Variants in EPHA6 observed in about 807,000 individuals in gnomAD.
The protein encoded by EPHA6 is EPH receptor A6.
EPHA6 carries 50 observed loss-of-function variants against 112.0 expected under a neutral mutation model. That is an observed-to-expected ratio of 0.45 (90% CI 0.36 to 0.56). The LOEUF is 0.56. Among genes scored for constraint, EPHA6 ranks in the 20% least tolerant of loss-of-function variants. The pLI is 0.00. For missense variants in EPHA6, 1,280 were observed against 1,417.4 expected (o/e 0.90, Z 1.56); for synonymous variants, 529 against 490.7 (o/e 1.08, Z -1.03).
At chr3:97,154,088 C>T (rs2076233097) in intron 3 of EPHA6, among the ~76,000 whole-genome samples, 1 of 151,664 alleles carries the variant, frequency 6.6e-6, no homozygotes, top group African/African-American at 2.4e-5. Flanking sequence ...TCGCTCAAAT[C>T]CAGTAGATGG....
At chr3:97,697,229 A>G (rs978988259) in intron 14 of EPHA6, among the ~76,000 whole-genome samples, 7 of 152,194 alleles carry the variant, frequency 4.6e-5, no homozygotes, top group African/African-American at 1.7e-4. Flanking sequence ...GTATGGAGCA[A>G]TGGGTAACAA....
intron 2 of EPHA6, among the ~76,000 whole-genome samples, chr3:96,974,062 A>G (rs1481562663): frequency 6.9e-6 from 1 of 145,968 alleles, no homozygotes; most frequent in Non-Finnish European, 1.5e-5. Context: ...TAATAAAATT[A>G]TATATTTGTA....
chr3:97,664,952 T>G (rs1376257346), intron 14 of EPHA6, among the ~76,000 whole-genome samples: 7 of 152,124 alleles, frequency 4.6e-5, no homozygotes, highest in African/African-American at 9.7e-5. Context: ...TTTCTTCACA[T>G]AATTGGAAAA....
At chr3:97,386,759 G>T (rs952004856) in intron 5 of EPHA6, among the ~76,000 whole-genome samples, 1 of 152,140 alleles carries the variant, frequency 6.6e-6, no homozygotes, top group Non-Finnish European at 1.5e-5. Context: ...CCCAACATTT[G>T]CCCTTTGCAC....
chr3:97,487,425 T>G (rs971450560), intron 10 of EPHA6, among the ~76,000 whole-genome samples: 1 of 152,230 alleles, frequency 6.6e-6, no homozygotes, highest in African/African-American at 2.4e-5. Flanking sequence ...GAACAATGTT[T>G]GTTAGATGGC....
At chr3:97,270,006 G>C (rs938661543) in intron 5 of EPHA6, among the ~76,000 whole-genome samples, 2 of 151,948 alleles carry the variant, frequency 1.3e-5, no homozygotes, top group Non-Finnish European at 2.9e-5. Context: ...AAAATGCTCA[G>C]GTATTAAAGT....
In EPHA6 at chr3:97,650,312, T is replaced by C. The variant is rs73134941; in HGVS notation, c.2784+12230T>C. Among the ~76,000 whole-genome samples the C allele has an allele frequency of 3.3e-5, 5 of 152,036 alleles. No individual in the cohort carries two copies. The East Asian group carries it at 9.7e-4, about 29-fold the overall frequency. On this transcript the variant is annotated intron_variant, in intron 14 of 17. Transcript: ENST00000389672. Reference sequence around the variant, plus strand: ...ATGAAACTCTTATGAAATATACTGCTTAGGTGAACTGACAATGGCAGATGT... The same window carrying C: ...ATGAAACTCTTATGAAATATACTGCCTAGGTGAACTGACAATGGCAGATGT...
intron 4 of EPHA6, among the ~76,000 whole-genome samples, chr3:97,231,450 T>G (rs1477604784): frequency 2.0e-5 from 3 of 152,196 alleles, no homozygotes; most frequent in Non-Finnish European, 4.4e-5. Flanking sequence ...TGATATGAAC[T>G]GACAATAGCC....
chr3:97,585,989 C>T (rs1193795548), intron 11 of EPHA6, among the ~76,000 whole-genome samples: 1 of 152,126 alleles, frequency 6.6e-6, no homozygotes. Flanking sequence ...CATTCTAAGC[C>T]AAATTGAAAA....
chr3:97,100,094 T>C (rs2047358545), intron 3 of EPHA6, among the ~76,000 whole-genome samples: 2 of 151,902 alleles, frequency 1.3e-5, no homozygotes, highest in African/African-American at 4.8e-5. Context: ...AAAGCAACTC[T>C]ACTATGAATG....
chr3:97,706,823 C>G (rs2033703068), intron 14 of EPHA6, among the ~76,000 whole-genome samples: 1 of 150,736 alleles, frequency 6.6e-6, no homozygotes, highest in Admixed American at 6.6e-5. Context: ...GAATCTGGTA[C>G]AAACTTCTGT....
chr3:97,141,025 C>T (rs982027980), intron 3 of EPHA6, among the ~76,000 whole-genome samples: 1 of 151,968 alleles, frequency 6.6e-6, no homozygotes, highest in African/African-American at 2.4e-5. Context: ...CCAGGAGTAG[C>T]TATACATATA....
At chr3:96,837,345 T>C (rs977772847) in intron 1 of EPHA6, among the ~76,000 whole-genome samples, 20 of 152,102 alleles carry the variant, frequency 1.3e-4, no homozygotes, top group African/African-American at 4.1e-4. Context: ...TTACTCTGCA[T>C]AGAGGGGTCA....
intron 11 of EPHA6, among the ~76,000 whole-genome samples, chr3:97,554,857 T>A (rs540372131): frequency 6.6e-6 from 1 of 152,188 alleles, no homozygotes; most frequent in South Asian, 2.1e-4. Context: ...TTGCTAAACT[T>A]GGAGTGACTG....
Position 97,552,766 on chromosome 3 carries a change from G to A in EPHA6, c.2386+20223G>A, listed in dbSNP as rs370539547. On this transcript the variant is annotated intron_variant, in intron 11 of 17. Coordinates refer to ENST00000389672, the MANE Select transcript of EPHA6 (RefSeq NM_001080448.3). ...TTTGTCCATAAAGCACCTCTTCAAT[G>A]ACACAGAAATAATAAAATACAAATA... Among the ~76,000 whole-genome samples, 130 of 152,222 alleles carry A rather than the reference G, an allele frequency of 8.5e-4. 1 individual carries two copies. Among genetic ancestry groups the A allele is most frequent in the African/African-American group, 2.5e-3 (105 of 41,554 alleles).
intron 3 of EPHA6, among the ~76,000 whole-genome samples, chr3:97,127,213 A>AT (rs2048206735): frequency 6.6e-6 from 1 of 152,174 alleles, no homozygotes; most frequent in Non-Finnish European, 1.5e-5. Flanking sequence ...TAATTGTACA[A>AT]AGGGATATGA....
intron 3 of EPHA6, among the ~76,000 whole-genome samples, chr3:97,215,655 A>ATC (rs1207887604): frequency 6.6e-6 from 1 of 151,930 alleles, no homozygotes; most frequent in Non-Finnish European, 1.5e-5. Flanking sequence ...CAATCACTGT[A>ATC]TCCATATTTA....
intron 3 of EPHA6, among the ~76,000 whole-genome samples, chr3:97,097,236 G>A (rs1419906978): frequency 2.6e-5 from 4 of 151,300 alleles, no homozygotes; most frequent in Non-Finnish European, 4.4e-5. Context: ...ATATGTAAAT[G>A]GAAAATATAA....
chr3:97,755,752 G>T lies in EPHA6; in HGVS notation c.*7051G>T, dbSNP rs1472197001. Among the ~76,000 whole-genome samples the T allele has an allele frequency of 6.6e-6, 1 of 152,078 alleles. No individual in the cohort carries two copies. The highest frequency in any genetic ancestry group is 1.5e-5 in the Non-Finnish European group (1 of 67,944). On this transcript the variant is annotated 3_prime_UTR_variant, in exon 18 of 18. Transcript: ENST00000389672. ...TATGAGCTTACATGAGAAGCAAATT[G>T]ATGTGAACATTTCTCTACAAGTTTT...
Sources: gnomAD v4.1 joint callset for allele counts (sites outside exome capture counted in the v4.1 genomes callset) on GRCh38, gnomAD v4.1.1 for gene constraint, MANE v1.5 for transcripts, NCBI Gene and HGNC (gene_info 2026-07-23, HGNC 2026-07-21) for gene names.